The following PHACTR1 variants were observed in gnomAD, a reference collection of about 807,000 sequenced individuals.
The protein encoded by PHACTR1 is phosphatase and actin regulator 1.
A neutral mutation model predicts 69.2 loss-of-function variants in PHACTR1; 16 were observed. The ratio of observed to expected loss-of-function variants is 0.23; its 90% CI spans 0.16 to 0.35. The LOEUF (loss-of-function observed/expected upper bound fraction) is 0.35, where lower values mean the gene tolerates loss of function less well. Ranked by LOEUF, PHACTR1 falls within the 10% of genes least tolerant of loss-of-function variation. The pLI, the probability that PHACTR1 is intolerant of heterozygous loss-of-function variation, is 1.00. For synonymous variants in PHACTR1, 312 were observed against 284.5 expected, an observed-to-expected ratio of 1.10 and a Z score of -0.97; for missense variants, 510 against 734.7, an observed-to-expected ratio of 0.69 and a Z score of 3.54.
chr6:13,167,898 T>C (rs895561887), intron 6 of PHACTR1, among the ~76,000 whole-genome samples: 2 of 152,226 alleles, frequency 1.3e-5, no homozygotes, highest in African/African-American at 4.8e-5. Flanking sequence ...AATATTTAAA[T>C]TAAAAGGTCA....
intron 4 of PHACTR1, among the ~76,000 whole-genome samples, chr6:12,924,423 T>C (rs1788036274): frequency 6.6e-6 from 1 of 152,202 alleles, no homozygotes; most frequent in East Asian, 1.9e-4. Flanking sequence ...TTTGCCCATC[T>C]TTTGGCAATG....
At chr6:12,919,929 C>T (rs1562011888) in intron 4 of PHACTR1, among the ~76,000 whole-genome samples, 2 of 152,190 alleles carry the variant, frequency 1.3e-5, no homozygotes, top group African/African-American at 4.8e-5. Flanking sequence ...ATTCAATTCA[C>T]ACACATTACT....
At chr6:12,817,824 ATT>A (rs1235021628) in intron 4 of PHACTR1, among the ~76,000 whole-genome samples, 29 of 142,128 alleles carry the variant, frequency 2.0e-4, no homozygotes, top group South Asian at 2.2e-4. Flanking sequence ...GTTTACTTTA[ATT>A]TTTTTTTTTT....
At chr6:13,194,801 A>C (rs3932442) in intron 7 of PHACTR1, among the ~76,000 whole-genome samples, 5 of 151,922 alleles carry the variant, frequency 3.3e-5, no homozygotes, top group Non-Finnish European at 4.4e-5. Flanking sequence ...ATTTTTTTTT[A>C]AATTTAATGT....
At chr6:12,755,787 T>C (rs1332384407) in intron 4 of PHACTR1, among the ~76,000 whole-genome samples, 2 of 152,198 alleles carry the variant, frequency 1.3e-5, no homozygotes, top group African/African-American at 4.8e-5. Flanking sequence ...TTCTCCTTTA[T>C]AATTAAAATT....
intron 4 of PHACTR1, among the ~76,000 whole-genome samples, chr6:12,889,084 G>A (rs1380121942): frequency 6.6e-6 from 1 of 152,038 alleles, no homozygotes; most frequent in Non-Finnish European, 1.5e-5. Flanking sequence ...ACCAGTCTGG[G>A]CAACATAATG....
chr6:12,877,668 A>G (rs1782675624), intron 4 of PHACTR1, among the ~76,000 whole-genome samples: 1 of 151,744 alleles, frequency 6.6e-6, no homozygotes, highest in Admixed American at 6.6e-5. Context: ...GTTTGCTCCC[A>G]CCTCTTCTTG....
chr6:12,740,515 T>G lies in PHACTR1; in HGVS notation c.104-9129T>G, dbSNP rs112677504. Among the ~76,000 whole-genome samples the G allele has an allele frequency of 2.5e-3, 375 of 152,286 alleles. 5 individuals carry two copies. Among genetic ancestry groups the G allele is most frequent in the African/African-American group, 8.0e-3 (333 of 41,562 alleles). On this transcript the variant is annotated intron_variant, in intron 3 of 14. Transcript: ENST00000332995. ...GCTGAGTATCTTTTCATATGCTTAT[T>G]TGAACATTTGAAAATCATTTTTTGT...
intron 4 of PHACTR1, among the ~76,000 whole-genome samples, chr6:12,918,445 G>C (rs554089593): frequency 6.6e-6 from 1 of 152,316 alleles, no homozygotes; most frequent in South Asian, 2.1e-4. Context: ...TCTACCTAGT[G>C]AAAGGACTTG....
chr6:12,822,350 A>G (rs2127713656), intron 4 of PHACTR1, among the ~76,000 whole-genome samples: 1 of 152,340 alleles, frequency 6.6e-6, no homozygotes. Flanking sequence ...TCTAAGAACC[A>G]GAGACCTAAG....
At chr6:13,285,075 CCACA>C (rs1273895885) in intron 13 of PHACTR1, among the ~76,000 whole-genome samples, 1 of 152,208 alleles carries the variant, frequency 6.6e-6, no homozygotes, top group African/African-American at 2.4e-5. Context: ...CCTCTCCTGT[CCACA>C]CTCTCTCTGC....
intron 4 of PHACTR1, among the ~76,000 whole-genome samples, chr6:12,762,513 A>T (rs1426460193): frequency 6.6e-6 from 1 of 152,218 alleles, no homozygotes; most frequent in African/African-American, 2.4e-5. Context: ...CACAATAGCT[A>T]AATCTTTTTT....
intron 4 of PHACTR1, among the ~76,000 whole-genome samples, chr6:12,830,117 GAAAGAAAGAAAGAAAGAA>G (rs1777330071): frequency 1.4e-5 from 1 of 72,838 alleles, no homozygotes; most frequent in Admixed American, 1.5e-4. Context: ...AAGAAAGAAA[GAAAGAAAGAAAGAAAGAA>G]AGAAAGAAAG....
At chr6:13,029,303 A>T (rs573388093) in intron 4 of PHACTR1, among the ~76,000 whole-genome samples, 1 of 152,338 alleles carries the variant, frequency 6.6e-6, no homozygotes, top group African/African-American at 2.4e-5. Flanking sequence ...GCCCTGCATA[A>T]AGTAACGGCA....
At chr6:12,993,640 A>T (rs1263713239) in intron 4 of PHACTR1, among the ~76,000 whole-genome samples, 2 of 152,298 alleles carry the variant, frequency 1.3e-5, no homozygotes, top group Admixed American at 6.5e-5. Context: ...CAAAACAATC[A>T]CTTTGCCTAT....
intron 4 of PHACTR1, among the ~76,000 whole-genome samples, chr6:12,918,954 G>C (rs910553473): frequency 6.6e-6 from 1 of 151,980 alleles, no homozygotes; most frequent in Non-Finnish European, 1.5e-5. Context: ...TGTTTTATAG[G>C]GCTCACCACT....
intron 10 of PHACTR1, among the ~76,000 whole-genome samples, chr6:13,241,226 G>T (rs556981373): frequency 6.6e-6 from 1 of 152,258 alleles, no homozygotes; most frequent in East Asian, 1.9e-4. Context: ...CTTCTATCTC[G>T]GGCTTAACTG....
rs181528472 is a variant in PHACTR1 at position 12,920,814 on chromosome 6, G to A, written c.251-132551G>A. ...TGTCAAGCAGCTTTTGGGGATGGATGGGGATTATGCTGTAAAATTCAAGGG... is the reference window on the plus strand; with the variant it reads ...TGTCAAGCAGCTTTTGGGGATGGATAGGGATTATGCTGTAAAATTCAAGGG... On this transcript the variant is annotated intron_variant, in intron 4 of 14. Coordinates refer to ENST00000332995, the MANE Select transcript of PHACTR1 (RefSeq NM_030948.6). Among the ~76,000 whole-genome samples, 359 of 152,318 alleles carry A rather than the reference G, an allele frequency of 2.4e-3. 2 individuals carry two copies. Among genetic ancestry groups the A allele is most frequent in the African/African-American group, 8.2e-3 (343 of 41,580 alleles).
intron 5 of PHACTR1, among the ~76,000 whole-genome samples, chr6:13,149,831 AT>A (rs34449513): frequency 1.7e-3 from 249 of 145,596 alleles, no homozygotes; most frequent in Middle Eastern, 6.9e-3. Context: ...TTTTTTTGCG[AT>A]TTTTTTTTTT....
Sources: gnomAD v4.1 joint callset for allele counts (sites outside exome capture counted in the v4.1 genomes callset) on GRCh38, gnomAD v4.1.1 for gene constraint, MANE v1.5 for transcripts, NCBI Gene and HGNC (gene_info 2026-07-23, HGNC 2026-07-21) for gene names.